The following CTNND2 variants were observed in gnomAD, a reference collection of about 807,000 sequenced individuals.
CTNND2 encodes the protein catenin delta 2.
In CTNND2, 22 loss-of-function variants were observed where a neutral mutation model predicts 144.4. The observed-to-expected ratio is 0.15, with a 90% CI of 0.11 to 0.22. The LOEUF (loss-of-function observed/expected upper bound fraction) is 0.22, where lower values mean the gene tolerates loss of function less well. Among genes scored for constraint, CTNND2 ranks in the 10% least tolerant of loss-of-function variants. The pLI, the probability that CTNND2 is intolerant of heterozygous loss-of-function variation, is 1.00. For synonymous variants in CTNND2, 751 were observed against 695.6 expected (o/e 1.08, Z -1.25); for missense variants, 1,353 against 1,618.8 (o/e 0.84, Z 2.82).
chr5:10,978,062 G>A (rs1316946446), intron 21 of CTNND2, among the ~76,000 whole-genome samples: 2 of 152,186 alleles, frequency 1.3e-5, no homozygotes, highest in Non-Finnish European at 2.9e-5. Context: ...GTGAGACCTG[G>A]CTGGTGACTG....
chr5:11,642,547 G>A (rs1374179103), intron 2 of CTNND2, among the ~76,000 whole-genome samples: 2 of 152,140 alleles, frequency 1.3e-5, no homozygotes, highest in Non-Finnish European at 1.5e-5. Context: ...TGTATTCAAG[G>A]CACAGGAAGC....
intron 12 of CTNND2, among the ~76,000 whole-genome samples, chr5:11,140,048 C>T (rs1366927756): frequency 1.3e-5 from 2 of 152,304 alleles, no homozygotes; most frequent in East Asian, 1.9e-4. Flanking sequence ...CCAGCATAAT[C>T]GCCCTATTTT....
intron 2 of CTNND2, among the ~76,000 whole-genome samples, chr5:11,581,378 A>G (rs1307874797): frequency 6.6e-6 from 1 of 152,246 alleles, no homozygotes; most frequent in Non-Finnish European, 1.5e-5. Context: ...TGAAGATATT[A>G]GTCCAAGTCT....
chr5:11,470,982 T>TA (rs56744030), intron 3 of CTNND2, among the ~76,000 whole-genome samples: 495 of 37,804 alleles, frequency 0.013, 5 homozygotes, highest in Middle Eastern at 0.042. Flanking sequence ...ATATATATAT[T>TA]TTTTTTTTTT....
intron 1 of CTNND2, among the ~76,000 whole-genome samples, chr5:11,849,835 C>T (rs1157928838): frequency 6.6e-6 from 1 of 152,166 alleles, no homozygotes; most frequent in Non-Finnish European, 1.5e-5. Context: ...ACCACAGTGG[C>T]ACATTCTGCC....
chr5:11,087,327 C>T (rs528804816), intron 15 of CTNND2, among the ~76,000 whole-genome samples: 1 of 152,214 alleles, frequency 6.6e-6, no homozygotes, highest in Admixed American at 6.5e-5. Context: ...TTATTTTTAC[C>T]AGTAGTTTAT....
intron 1 of CTNND2, among the ~76,000 whole-genome samples, chr5:11,898,552 G>A (rs186098164): frequency 2.0e-4 from 31 of 152,122 alleles, no homozygotes; most frequent in African/African-American, 7.5e-4. Flanking sequence ...TAATATCAAT[G>A]ATCCAATTAA....
chr5:11,366,859 T>C (rs1339825701), intron 7 of CTNND2, among the ~76,000 whole-genome samples: 7 of 152,310 alleles, frequency 4.6e-5, no homozygotes, highest in African/African-American at 1.7e-4. Context: ...TCTTAGGCTA[T>C]ATGTAAAAAT....
intron 1 of CTNND2, among the ~76,000 whole-genome samples, chr5:11,746,457 G>A (rs1277728009): frequency 3.3e-5 from 5 of 151,952 alleles, no homozygotes; most frequent in Non-Finnish European, 5.9e-5. Flanking sequence ...ACTAAGAACT[G>A]TGATGATCTT....
intron 3 of CTNND2, among the ~76,000 whole-genome samples, chr5:11,511,515 T>C (rs1393358143): frequency 6.6e-6 from 1 of 152,152 alleles, no homozygotes; most frequent in Non-Finnish European, 1.5e-5. Context: ...CCCATTCCAT[T>C]TTCCCCTCAT....
chr5:11,665,832 G>A (rs1706229050), intron 2 of CTNND2, among the ~76,000 whole-genome samples: 1 of 152,044 alleles, frequency 6.6e-6, no homozygotes, highest in African/African-American at 2.4e-5. Context: ...CCTTCCAAGT[G>A]GACCACAAGG....
At chr5:11,405,646 G>C (rs1761030706) in intron 5 of CTNND2, among the ~76,000 whole-genome samples, 1 of 152,040 alleles carries the variant, frequency 6.6e-6, no homozygotes. Context: ...TGGAATGGAG[G>C]ATAATTACAG....
At chr5:11,448,960 C>T (rs1364678395) in intron 3 of CTNND2, among the ~76,000 whole-genome samples, 1 of 151,984 alleles carries the variant, frequency 6.6e-6, no homozygotes, top group Non-Finnish European at 1.5e-5. Context: ...ACCTCAGTCT[C>T]CCAAAGTGCT....
At chr5:11,537,366 T>C (rs1301730445) in intron 3 of CTNND2, among the ~76,000 whole-genome samples, 1 of 152,146 alleles carries the variant, frequency 6.6e-6, no homozygotes, top group Non-Finnish European at 1.5e-5. Context: ...ATCTGAAAAA[T>C]AATGTTGAAC....
chr5:11,740,745 G>A (rs1787953467), intron 1 of CTNND2, among the ~76,000 whole-genome samples: 1 of 152,120 alleles, frequency 6.6e-6, no homozygotes, highest in Non-Finnish European at 1.5e-5. Context: ...TCATCAGAGT[G>A]AACAGGCAAC....
At position 11,876,223 on chromosome 5, in the gene CTNND2, G is replaced by T. The variant is rs573133723; in HGVS notation, c.37+27594C>A. Among the ~76,000 whole-genome samples the T allele has an allele frequency of 3.9e-3, 582 of 148,358 alleles. 2 individuals carry two copies. Among genetic ancestry groups the T allele is most frequent in the African/African-American group, 0.014 (560 of 41,024 alleles). On this transcript the variant is annotated intron_variant, in intron 1 of 21. Coordinates refer to ENST00000304623, the MANE Select transcript of CTNND2 (RefSeq NM_001332.4). ...AGAGGAGGGAGGAGGCAGGAGGGAGGAGGCGGGAGGCAGCAGGGAGGAGGT... is the reference window on the plus strand; with the variant it reads ...AGAGGAGGGAGGAGGCAGGAGGGAGTAGGCGGGAGGCAGCAGGGAGGAGGT...
At chr5:11,348,444 AAAAAAAAAAAAAG>A in intron 8 of CTNND2, among the ~76,000 whole-genome samples, 1 of 148,734 alleles carries the variant, frequency 6.7e-6, no homozygotes, top group Non-Finnish European at 1.5e-5. Context: ...GGGCAAAAAA[AAAAAAAAAAAAAG>A]AAAAAAGAAA....
intron 2 of CTNND2, among the ~76,000 whole-genome samples, chr5:11,647,419 C>T (rs1782414424): frequency 6.6e-6 from 1 of 151,970 alleles, no homozygotes; most frequent in South Asian, 2.1e-4. Flanking sequence ...TTCAGTGTTC[C>T]CCACAGCATT....
At chr5:11,026,712 TAG>T (rs1291540228) in intron 16 of CTNND2, among the ~76,000 whole-genome samples, 1 of 152,130 alleles carries the variant, frequency 6.6e-6, no homozygotes, top group African/African-American at 2.4e-5. Flanking sequence ...CTGAAAATAA[TAG>T]AGTGATTCAT....
Sources: allele counts gnomAD v4.1 joint callset (sites outside exome capture counted in the v4.1 genomes callset), GRCh38; gene constraint gnomAD v4.1.1; transcripts MANE v1.5; gene names NCBI Gene and HGNC (gene_info 2026-07-23, HGNC 2026-07-21).